Variants in WIF1 observed in about 807,000 individuals in gnomAD.
WIF1 encodes Wnt inhibitory factor 1.
Under a neutral mutation model 53.5 loss-of-function variants are expected in WIF1, and 35 were observed. The ratio of observed to expected loss-of-function variants is 0.65; its 90% CI spans 0.50 to 0.87. The LOEUF (loss-of-function observed/expected upper bound fraction) is 0.87, where lower values mean the gene tolerates loss of function less well. Ranked by LOEUF, WIF1 falls within the 40% of genes least tolerant of loss-of-function variation. The pLI, the probability that WIF1 is intolerant of heterozygous loss-of-function variation, is 0.00. For synonymous variants in WIF1, 171 were observed against 170.4 expected (o/e 1.00, Z -0.03); for missense variants, 467 against 476.8 (o/e 0.98, Z 0.19).
intron 2 of WIF1, among the ~76,000 whole-genome samples, chr12:65,109,336 C>G (rs1216919420): frequency 6.6e-6 from 1 of 152,178 alleles, no homozygotes; most frequent in Non-Finnish European, 1.5e-5. Flanking sequence ...CTCATAGCAT[C>G]TTTCTTAGGG....
At position 65,105,977 on chromosome 12, in the gene WIF1, C is replaced by T. The variant is rs563251888; in HGVS notation, c.288+14440G>A. Among the ~76,000 whole-genome samples, 32 of 152,310 alleles carry T rather than the reference C, an allele frequency of 2.1e-4. No individual in the cohort carries two copies. In the South Asian group the frequency reaches 5.4e-3, roughly 26 times the overall value. Reference sequence around the variant, plus strand: ...GAGGCCATAAGTCCTGTAGAGAATACAGGCCAGCTTGACCCTTGAGTGTTT... The same window carrying T: ...GAGGCCATAAGTCCTGTAGAGAATATAGGCCAGCTTGACCCTTGAGTGTTT... On this transcript the variant is annotated intron_variant, in intron 2 of 9. Transcript: ENST00000286574.
At chr12:65,052,838 G>T (rs1467437725) in intron 9 of WIF1, among the ~76,000 whole-genome samples, 2 of 152,106 alleles carry the variant, frequency 1.3e-5, no homozygotes, top group Non-Finnish European at 2.9e-5. Context: ...CCACACGAGG[G>T]CCCCTAACTT....
intron 3 of WIF1, among the ~76,000 whole-genome samples, chr12:65,069,622 T>C (rs1021992172): frequency 6.6e-6 from 1 of 152,060 alleles, no homozygotes; most frequent in African/African-American, 2.4e-5. Flanking sequence ...TATCTAATGG[T>C]TTATGTTCTT....
intron 6 of WIF1, 90 bp from the exon 7 acceptor site, chr12:65,062,666 A>G (rs1882631790): frequency 1.7e-6 from 2 of 1,162,892 alleles, no homozygotes; most frequent in African/African-American, 3.1e-5. Flanking sequence ...TTTTTTAGGC[A>G]TCTGCTTGCT....
chr12:65,087,112 T>G (rs891985632), intron 2 of WIF1, among the ~76,000 whole-genome samples: 1 of 152,154 alleles, frequency 6.6e-6, no homozygotes, highest in Non-Finnish European at 1.5e-5. Flanking sequence ...ATCGCACCAC[T>G]GCACTTCAGC....
chr12:65,060,730 A>T (rs1269350948), intron 7 of WIF1, among the ~76,000 whole-genome samples: 1 of 152,244 alleles, frequency 6.6e-6, no homozygotes, highest in East Asian at 1.9e-4. Flanking sequence ...ACATAATTCA[A>T]CTATACTTTT....
chr12:65,066,538 C>T lies in WIF1; in HGVS notation c.730+103G>A, dbSNP rs1252135650. 7 of 904,318 alleles carry T rather than the reference C, an allele frequency of 7.7e-6. No homozygotes were observed. The Admixed American group carries it at 1.5e-4, about 19-fold the overall frequency. 56.0% of individuals were successfully genotyped at this position (904,318 alleles called of 1,614,324 possible). ...GCAGCCATCTTTACCCTAAGCCATACATTCTCAGAGCTGTTATGAAGAGTG... is the reference window on the plus strand; with the variant it reads ...GCAGCCATCTTTACCCTAAGCCATATATTCTCAGAGCTGTTATGAAGAGTG... On this transcript the variant is annotated intron_variant, in intron 6 of 9. Coordinates refer to ENST00000286574, the MANE Select transcript of WIF1 (RefSeq NM_007191.5).
intron 2 of WIF1, among the ~76,000 whole-genome samples, chr12:65,114,866 G>A (rs925503016): frequency 2.6e-5 from 4 of 152,066 alleles, no homozygotes; most frequent in Admixed American, 2.6e-4. Context: ...TTTTAAACAT[G>A]TGGAGATTCA....
Position 65,077,789 on chromosome 12 carries a change from G to C in WIF1, c.354C>G (p.Thr118=). The change falls in exon 3 of 10, where the codon ACC becomes ACG. Residue 118 remains threonine (T), a synonymous_variant. Transcript: ENST00000286574. The stretch of plus-strand genomic sequence containing the variant: ...CTGTTCCCAGCAGAGGGACATTGAC[G>C]GTTGGATCTGCCATGATGCCTTTAT... The part of the protein sequence containing the change: ...SLDKGIMADP[T]VNVPLLGTVP... 6.2e-7 allele frequency: 1 copy of C among 1,613,844 alleles called. No individual in the cohort carries two copies. The highest frequency in any genetic ancestry group is 8.5e-7 in the Non-Finnish European group (1 of 1,179,830).
chr12:65,106,694 A>G (rs1475798203), intron 2 of WIF1, among the ~76,000 whole-genome samples: 1 of 152,238 alleles, frequency 6.6e-6, no homozygotes, highest in Non-Finnish European at 1.5e-5. Context: ...GCCACTGGGC[A>G]TGTTCAACCA....
chr12:65,059,497 A>G (rs941289741), intron 7 of WIF1, among the ~76,000 whole-genome samples: 2 of 152,178 alleles, frequency 1.3e-5, no homozygotes, highest in Non-Finnish European at 2.9e-5. Flanking sequence ...TTTTTAACTG[A>G]AGGTTCATTA....
intron 2 of WIF1, among the ~76,000 whole-genome samples, chr12:65,089,820 A>G (rs1416043431): frequency 1.3e-5 from 2 of 151,970 alleles, no homozygotes; most frequent in South Asian, 2.1e-4. Context: ...TCATCTTTAT[A>G]CTATTGTACT....
intron 2 of WIF1, among the ~76,000 whole-genome samples, chr12:65,113,617 G>A (rs1451618051): frequency 6.6e-6 from 1 of 150,500 alleles, no homozygotes; most frequent in Non-Finnish European, 1.5e-5. Context: ...TTTTCCTTCT[G>A]GCAAAAGTTT....
intron 2 of WIF1, among the ~76,000 whole-genome samples, chr12:65,091,662 G>A (rs1029230071): frequency 2.6e-5 from 4 of 152,040 alleles, no homozygotes; most frequent in Non-Finnish European, 5.9e-5. Flanking sequence ...GATTTTCATA[G>A]GTCTTGCCTT....
At chr12:65,075,580 C>T (rs930907612) in intron 3 of WIF1, among the ~76,000 whole-genome samples, 1 of 152,152 alleles carries the variant, frequency 6.6e-6, no homozygotes, top group African/African-American at 2.4e-5. Context: ...AATTCAACTT[C>T]TCATGTAAGA....
intron 9 of WIF1, among the ~76,000 whole-genome samples, chr12:65,054,480 T>C (rs1882494187): frequency 6.6e-6 from 1 of 152,178 alleles, no homozygotes; most frequent in Admixed American, 6.5e-5. Context: ...GCAAGTGTCA[T>C]TGTGTGTCTA....
intron 8 of WIF1, 86 bp downstream of exon 8, chr12:65,055,945 C>G: frequency 8.3e-7 from 1 of 1,201,574 alleles, no homozygotes; most frequent in Non-Finnish European, 1.2e-6. Flanking sequence ...AGGCAACATG[C>G]ACTAAGCACG....
intron 2 of WIF1, among the ~76,000 whole-genome samples, chr12:65,096,045 G>A (rs1374992544): frequency 6.6e-6 from 1 of 152,160 alleles, no homozygotes; most frequent in East Asian, 1.9e-4. Context: ...AAGAGCTTCT[G>A]CACAGCAAAA....
At chr12:65,090,646 C>A (rs970143590) in intron 2 of WIF1, among the ~76,000 whole-genome samples, 6 of 151,990 alleles carry the variant, frequency 3.9e-5, no homozygotes, top group African/African-American at 9.7e-5. Flanking sequence ...GAAGGAGGGG[C>A]AGCTTTTTAA....
Sources: allele counts gnomAD v4.1 joint callset (sites outside exome capture counted in the v4.1 genomes callset), GRCh38; gene constraint gnomAD v4.1.1; transcripts MANE v1.5; gene names NCBI Gene and HGNC (gene_info 2026-07-23, HGNC 2026-07-21).